The following GRIK2 variants were observed in gnomAD, a reference collection of about 807,000 sequenced individuals.
The protein encoded by GRIK2 is glutamate receptor ionotropic, kainate 2.
A neutral mutation model predicts 100.3 loss-of-function variants in GRIK2; 32 were observed. The observed-to-expected ratio is 0.32, with a 90% CI of 0.24 to 0.43. The LOEUF (loss-of-function observed/expected upper bound fraction) is 0.43. Among genes scored for constraint, GRIK2 ranks in the 20% least tolerant of loss-of-function variants. The probability of loss-of-function intolerance (pLI) is 1.00; values close to 1 mark genes in which losing one functional copy is unlikely to be tolerated. For missense variants in GRIK2, 843 were observed against 1,114.9 expected (o/e 0.76, Z 3.47); for synonymous variants, 417 against 389.4 (o/e 1.07, Z -0.83).
intron 14 of GRIK2, among the ~76,000 whole-genome samples, chr6:101,951,302 T>C (rs1452168893): frequency 6.6e-6 from 1 of 152,108 alleles, no homozygotes; most frequent in African/African-American, 2.4e-5. Flanking sequence ...TTTAAGAGAG[T>C]TGAGAAACTA....
intron 7 of GRIK2, among the ~76,000 whole-genome samples, chr6:101,790,927 T>G (rs1779803479): frequency 6.6e-6 from 1 of 152,166 alleles, no homozygotes; most frequent in Admixed American, 6.5e-5. Flanking sequence ...CTTCCTGGTT[T>G]AGTCTTGGGA....
chr6:101,935,440 C>A (rs1431311294), intron 14 of GRIK2, among the ~76,000 whole-genome samples: 2 of 151,844 alleles, frequency 1.3e-5, no homozygotes. Context: ...GAGGAATGAA[C>A]ATTCATCTTT....
intron 4 of GRIK2, among the ~76,000 whole-genome samples, chr6:101,636,389 C>A (rs919721498): frequency 6.6e-6 from 1 of 151,966 alleles, no homozygotes; most frequent in Non-Finnish European, 1.5e-5. Flanking sequence ...TTGGGAGAAA[C>A]TCCTAAGGTA....
chr6:101,867,645 A>G (rs1446391852), intron 11 of GRIK2, among the ~76,000 whole-genome samples: 1 of 151,814 alleles, frequency 6.6e-6, no homozygotes, highest in East Asian at 1.9e-4. Context: ...AATATAAATG[A>G]CTATATTTTA....
At chr6:101,437,803 A>T (rs1452364626) in intron 2 of GRIK2, among the ~76,000 whole-genome samples, 2 of 152,116 alleles carry the variant, frequency 1.3e-5, no homozygotes, top group African/African-American at 4.8e-5. Context: ...AGTAGAATAA[A>T]TGACACACAA....
chr6:102,041,408 G>GGGTT (rs2114452237), intron 15 of GRIK2, among the ~76,000 whole-genome samples: 1 of 151,696 alleles, frequency 6.6e-6, no homozygotes, highest in Admixed American at 6.6e-5. Context: ...AGTTGTCCTT[G>GGGTT]GGTTAGCAGA....
chr6:101,650,471 C>T (rs1781733167), intron 4 of GRIK2, among the ~76,000 whole-genome samples: 1 of 152,086 alleles, frequency 6.6e-6, no homozygotes, highest in Non-Finnish European at 1.5e-5. Flanking sequence ...AGAAGCTGTA[C>T]CAAAAACTGT....
At chr6:101,735,909 T>A (rs1021312312) in intron 7 of GRIK2, among the ~76,000 whole-genome samples, 13 of 152,242 alleles carry the variant, frequency 8.5e-5, no homozygotes, top group African/African-American at 2.9e-4. Context: ...CCTATGAGCC[T>A]GTAACATCAA....
At chr6:101,486,548 G>A (rs1050992786) in intron 2 of GRIK2, among the ~76,000 whole-genome samples, 3 of 152,076 alleles carry the variant, frequency 2.0e-5, no homozygotes, top group Admixed American at 2.0e-4. Flanking sequence ...TAAGCATTAG[G>A]ACCACCTTAA....
chr6:101,607,306 T>C (rs1779481415), intron 2 of GRIK2, among the ~76,000 whole-genome samples: 1 of 151,994 alleles, frequency 6.6e-6, no homozygotes, highest in South Asian at 2.1e-4. Context: ...TGTTAACCTC[T>C]TTTTTCTTGT....
chr6:101,641,821 C>T (rs1419216478), intron 4 of GRIK2, among the ~76,000 whole-genome samples: 4 of 151,144 alleles, frequency 2.6e-5, no homozygotes, highest in African/African-American at 9.7e-5. Flanking sequence ...TACTGGCAAA[C>T]CAGAGATAAA....
chr6:101,930,342 CA>C (rs370301977), intron 14 of GRIK2, among the ~76,000 whole-genome samples: 121,294 of 146,190 alleles, frequency 0.83, 50,083 homozygotes, highest in South Asian at 0.9. Context: ...AATCCTGTCT[CA>C]AAAAAAAAAA....
intron 4 of GRIK2, among the ~76,000 whole-genome samples, chr6:101,636,161 A>G (rs991573463): frequency 3.3e-5 from 5 of 152,212 alleles, no homozygotes; most frequent in Admixed American, 2.0e-4. Context: ...ATGGAATGCT[A>G]TGCAGCCATA....
At chr6:101,751,655 C>G (rs1346218808) in intron 7 of GRIK2, among the ~76,000 whole-genome samples, 1 of 152,264 alleles carries the variant, frequency 6.6e-6, no homozygotes, top group East Asian at 1.9e-4. Flanking sequence ...AAAGTCCATC[C>G]ATTACAATAG....
At position 101,977,413 on chromosome 6, in the gene GRIK2, C is replaced by G. The variant is rs149606774; in HGVS notation, c.2085+48781C>G. Among the ~76,000 whole-genome samples, 379 of 151,900 alleles carry G rather than the reference C, an allele frequency of 2.5e-3. 3 individuals carry two copies. Among genetic ancestry groups the G allele is most frequent in the African/African-American group, 8.2e-3 (340 of 41,482 alleles). On this transcript the variant is annotated intron_variant, in intron 14 of 16. Coordinates refer to ENST00000369134, the MANE Select transcript of GRIK2 (RefSeq NM_021956.5). ...CAAAGAATGCCTTCAGACAGCAATT[C>G]AGCCCTGACATGTGTGAAAGGAGAT...
intron 14 of GRIK2, among the ~76,000 whole-genome samples, chr6:102,028,292 A>C (rs1448788734): frequency 1.3e-5 from 2 of 151,252 alleles, no homozygotes; most frequent in Admixed American, 1.3e-4. Flanking sequence ...ACAAAAATAC[A>C]TTATTTTGTT....
intron 10 of GRIK2, among the ~76,000 whole-genome samples, chr6:101,826,332 T>C (rs1291808421): frequency 6.6e-6 from 1 of 152,020 alleles, no homozygotes; most frequent in East Asian, 1.9e-4. Flanking sequence ...ATAAGGTTTC[T>C]TGGGAATGCA....
intron 2 of GRIK2, among the ~76,000 whole-genome samples, chr6:101,616,531 T>A (rs1456557076): frequency 6.6e-6 from 1 of 151,776 alleles, no homozygotes; most frequent in Non-Finnish European, 1.5e-5. Flanking sequence ...TAAGTATATC[T>A]ACCATAGTTT....
At chr6:101,455,878 C>T (rs895680221) in intron 2 of GRIK2, among the ~76,000 whole-genome samples, 2 of 151,992 alleles carry the variant, frequency 1.3e-5, no homozygotes, top group South Asian at 2.1e-4. Flanking sequence ...ATAGTATCTC[C>T]GATGGTAGAT....
Sources: allele counts gnomAD v4.1 joint callset (sites outside exome capture counted in the v4.1 genomes callset), GRCh38; gene constraint gnomAD v4.1.1; transcripts MANE v1.5; gene names NCBI Gene and HGNC (gene_info 2026-07-23, HGNC 2026-07-21).